SUMF1: variants seen among roughly 807,000 people sequenced by gnomAD.
SUMF1 encodes formylglycine-generating enzyme.
In SUMF1, 48 loss-of-function variants were observed where a neutral mutation model predicts 47.6. The ratio of observed to expected loss-of-function variants is 1.01; its 90% CI spans 0.80 to 1.28. The LOEUF (loss-of-function observed/expected upper bound fraction) is 1.28. SUMF1 is among the 50% of genes most tolerant of loss of function. The pLI, the probability that SUMF1 is intolerant of heterozygous loss-of-function variation, is 0.00. For missense variants in SUMF1, 571 were observed against 485.4 expected (o/e 1.18, Z -1.66); for synonymous variants, 230 against 192.1 (o/e 1.20, Z -1.63).
chr3:4,261,700 TCTCAAGC>T (rs1413772944), intron 8 of SUMF1, among the ~76,000 whole-genome samples: 1 of 152,172 alleles, frequency 6.6e-6, no homozygotes, highest in African/African-American at 2.4e-5. Context: ...GGACATCAGA[TCTCAAGC>T]CTGCTTGAAA....
chr3:4,466,022 A>T (rs2079934691), intron 1 of SUMF1, among the ~76,000 whole-genome samples: 1 of 152,240 alleles, frequency 6.6e-6, no homozygotes, highest in Admixed American at 6.5e-5. Context: ...TAGGAGTCAG[A>T]AGACCTGACC....
At chr3:4,442,047 C>A (rs1224996913) in intron 3 of SUMF1, among the ~76,000 whole-genome samples, 1 of 152,006 alleles carries the variant, frequency 6.6e-6, no homozygotes, top group African/African-American at 2.4e-5. Context: ...AGTGGTTGGG[C>A]AGGAGAAAGA....
rs937957164 is a variant in SUMF1 at position 4,453,682 on chromosome 3, C to G, written c.271-633G>C. ...CTGAGTAGCTGGGATTACAGGCGCC[C>G]ACCACCATGCCCGGCTAATTTTTGT... On this transcript the variant is annotated intron_variant, in intron 1 of 8. Transcript: ENST00000272902. Among the ~76,000 whole-genome samples the G allele has an allele frequency of 2.6e-5, 4 of 151,966 alleles. No homozygotes were observed. In the East Asian group the frequency reaches 7.7e-4, roughly 29 times the overall value.
chr3:4,216,798 T>A (rs902050079), intron 8 of SUMF1, among the ~76,000 whole-genome samples: 1 of 152,106 alleles, frequency 6.6e-6, no homozygotes, highest in African/African-American at 2.4e-5. Flanking sequence ...GAAACGCAAA[T>A]CAAAACCACA....
intron 8 of SUMF1, among the ~76,000 whole-genome samples, chr3:4,308,802 A>G (rs569828187): frequency 1.8e-4 from 27 of 152,332 alleles, no homozygotes; most frequent in Non-Finnish European, 3.2e-4. Flanking sequence ...ATCTTTGTTC[A>G]TTGACCATTT....
intron 8 of SUMF1, among the ~76,000 whole-genome samples, chr3:4,270,989 A>T (rs1697291042): frequency 6.6e-6 from 1 of 152,220 alleles, no homozygotes; most frequent in South Asian, 2.1e-4. Context: ...GAAAACACTT[A>T]AGTCTGAATA....
At chr3:4,348,708 T>C (rs1345442954) in intron 8 of SUMF1, among the ~76,000 whole-genome samples, 4 of 115,132 alleles carry the variant, frequency 3.5e-5, no homozygotes, top group Admixed American at 3.3e-4. Flanking sequence ...CTACTAAAAA[T>C]ACAAAAAAAA....
At chr3:4,233,257 T>C (rs114528123) in intron 8 of SUMF1, among the ~76,000 whole-genome samples, 1,759 of 152,230 alleles carry the variant, frequency 0.012, 32 homozygotes, top group African/African-American at 0.04. Context: ...CATTATGGCC[T>C]AGCAGGTCAA....
Position 4,094,954 on chromosome 3 carries a change from C to T in SUMF1, c.1015-26209G>A, listed in dbSNP as rs116150482. ...GGCATCTCATGGAACCAGTGTTCTA[C>T]AGAACACACTTCAAGAAACATAAAA... On this transcript the variant is annotated intron_variant and NMD_transcript_variant, in intron 8 of 12. Coordinates refer to the SUMF1 transcript ENST00000448413. 4.7e-3 allele frequency among the ~76,000 whole-genome samples: 717 copies of T among 152,100 alleles called. 9 individuals are homozygous for T. The highest frequency in any genetic ancestry group is 0.017 in the African/African-American group (688 of 41,474).
chr3:4,417,876 C>T (rs1206816684), intron 5 of SUMF1, 134 bp downstream of exon 5: 15 of 1,502,736 alleles, frequency 1.0e-5, no homozygotes, highest in Admixed American at 3.5e-5. Flanking sequence ...TAAGTAATTT[C>T]GTGGAAAAAT....
rs553195956 is a variant in SUMF1 at position 4,287,358 on chromosome 3, A to C, written c.1014+88972T>G. On this transcript the variant is annotated intron_variant and NMD_transcript_variant, in intron 8 of 12. Coordinates refer to the SUMF1 transcript ENST00000448413. ...CAGTAAAGATTCAAAAAACTTAATA[A>C]ACATTTATTTTCCAAATAGCCATTT... 3.9e-5 allele frequency among the ~76,000 whole-genome samples: 6 copies of C among 152,234 alleles called. No individual in the cohort carries two copies. In the South Asian group the frequency reaches 1.2e-3, roughly 32 times the overall value.
intron 8 of SUMF1, among the ~76,000 whole-genome samples, chr3:4,267,660 G>T (rs574029723): frequency 6.6e-6 from 1 of 151,862 alleles, no homozygotes; most frequent in African/African-American, 2.4e-5. Context: ...GGCCATCAGA[G>T]AAATGCAAAT....
chr3:4,197,375 A>T (rs1695451820), intron 8 of SUMF1, among the ~76,000 whole-genome samples: 1 of 152,176 alleles, frequency 6.6e-6, no homozygotes, highest in South Asian at 2.1e-4. Flanking sequence ...TGCTGGGATT[A>T]CAGGTGTGAG....
intron 8 of SUMF1, among the ~76,000 whole-genome samples, chr3:4,208,986 G>C (rs993084396): frequency 1.3e-5 from 2 of 152,114 alleles, no homozygotes; most frequent in Non-Finnish European, 2.9e-5. Context: ...TGTCAGCTTT[G>C]TCTGGCTTCA....
chr3:4,064,171 G>A (rs927797493), intron 9 of SUMF1, among the ~76,000 whole-genome samples: 3 of 147,348 alleles, frequency 2.0e-5, no homozygotes, highest in African/African-American at 7.3e-5. Flanking sequence ...ATAGGAGACC[G>A]GCACAAGATA....
At chr3:4,343,077 C>T (rs1030665127) in intron 8 of SUMF1, among the ~76,000 whole-genome samples, 2 of 152,222 alleles carry the variant, frequency 1.3e-5, no homozygotes, top group Non-Finnish European at 2.9e-5. Flanking sequence ...CAAATAGGTA[C>T]ATTTTGAACA....
chr3:4,252,341 TACAC>T (rs1006459817), intron 8 of SUMF1, among the ~76,000 whole-genome samples: 3 of 137,010 alleles, frequency 2.2e-5, no homozygotes, highest in African/African-American at 8.8e-5. Flanking sequence ...TCGCTCCAAA[TACAC>T]ACATGCGCAC....
chr3:4,225,185 T>C (rs937680748), intron 8 of SUMF1, among the ~76,000 whole-genome samples: 3 of 152,138 alleles, frequency 2.0e-5, no homozygotes, highest in African/African-American at 7.2e-5. Context: ...ATTTGGCCAC[T>C]GGAGATAGTT....
chr3:4,296,545 G>C (rs780647889), intron 8 of SUMF1, among the ~76,000 whole-genome samples: 3 of 152,146 alleles, frequency 2.0e-5, no homozygotes, highest in African/African-American at 4.8e-5. Context: ...CTGGCAGCAG[G>C]CAAGATAAGC....
Sources: allele counts gnomAD v4.1 joint callset (sites outside exome capture counted in the v4.1 genomes callset), GRCh38; gene constraint gnomAD v4.1.1; transcripts MANE v1.5; gene names NCBI Gene and HGNC (gene_info 2026-07-23, HGNC 2026-07-21).